Variants in PTPRA observed in about 807,000 individuals in gnomAD.
PTPRA encodes the protein protein tyrosine phosphatase receptor type A.
A neutral mutation model predicts 104.8 loss-of-function variants in PTPRA; 25 were observed. The observed-to-expected ratio is 0.24, with a 90% CI of 0.17 to 0.33. PTPRA has a LOEUF of 0.33. Among genes scored for constraint, PTPRA ranks in the 10% least tolerant of loss-of-function variants. The probability of loss-of-function intolerance (pLI) is 1.00; values close to 1 mark genes in which losing one functional copy is unlikely to be tolerated. For synonymous variants in PTPRA, 323 were observed against 368.9 expected (o/e 0.88, Z 1.43); for missense variants, 765 against 1,015.3 (o/e 0.75, Z 3.35).
At chr20:2,872,603 C>T (rs1383637071), upstream of PTPRA, among the ~76,000 whole-genome samples, 2 of 152,264 alleles carry the variant, frequency 1.3e-5, no homozygotes, top group Non-Finnish European at 2.9e-5. This position sits in a 1 kb window ranked among gnomAD's most constrained non-coding sequence, Gnocchi z 7.9. Flanking sequence ...ACTGCGTAAT[C>T]GGCTTTCAGC....
At chr20:3,005,216 A>G in intron 10 of PTPRA, 70 bp downstream of exon 10, 1 of 1,452,474 alleles carries the variant, frequency 6.9e-7, no homozygotes, top group Middle Eastern at 1.7e-4. Flanking sequence ...CTGAAGATGG[A>G]AAGAATCTTG....
At chr20:3,031,344 C>T (rs1028199791) in intron 20 of PTPRA, among the ~76,000 whole-genome samples, 5 of 151,758 alleles carry the variant, frequency 3.3e-5, no homozygotes, top group Admixed American at 2.6e-4. Flanking sequence ...GTAACGTGAA[C>T]ACACAAATCT....
intron 1 of PTPRA, among the ~76,000 whole-genome samples, chr20:2,918,545 G>C (rs6115720): frequency 6.6e-4 from 100 of 152,282 alleles, no homozygotes; most frequent in African/African-American, 2.3e-3. Context: ...TTGTGGACAA[G>C]GTTTTATTTC....
At chr20:2,894,354 G>A (rs895519377) in intron 1 of PTPRA, among the ~76,000 whole-genome samples, 7 of 152,170 alleles carry the variant, frequency 4.6e-5, no homozygotes, top group Non-Finnish European at 2.9e-5. Flanking sequence ...TGAGTCAGGG[G>A]TTCCAAACCC....
chr20:2,881,246 G>A (rs973110460), intron 1 of PTPRA, among the ~76,000 whole-genome samples: 19 of 151,742 alleles, frequency 1.3e-4, no homozygotes, highest in Non-Finnish European at 2.5e-4. Context: ...AGGAGGCGGA[G>A]TTTGCAGTGA....
rs1234395506 is a variant in PTPRA at position 2,964,262 on chromosome 20, T to C, written c.-6-10T>C. On this transcript the variant is annotated splice_polypyrimidine_tract_variant and intron_variant, in intron 3 of 23. Coordinates refer to ENST00000399903, the MANE Select transcript of PTPRA (RefSeq NM_001385305.1). ...TAGGACCTCATCTAACATGACTCCCTATTTTCCAGATAAGCATGGATTCCT... is the reference window on the plus strand; with the variant it reads ...TAGGACCTCATCTAACATGACTCCCCATTTTCCAGATAAGCATGGATTCCT... The C allele has an allele frequency of 6.2e-7, 1 of 1,603,032 alleles. No individual in the cohort carries two copies. Among genetic ancestry groups the C allele is most frequent in the Non-Finnish European group, 8.5e-7 (1 of 1,172,624 alleles).
chr20:3,007,108 A>G (rs990020177), intron 10 of PTPRA, among the ~76,000 whole-genome samples: 5 of 152,078 alleles, frequency 3.3e-5, no homozygotes, highest in Admixed American at 6.5e-5. Flanking sequence ...TTTCTCAACT[A>G]CTTAGTATTC....
chr20:3,013,535 C>G (rs970955808), intron 11 of PTPRA, among the ~76,000 whole-genome samples: 1 of 151,888 alleles, frequency 6.6e-6, no homozygotes, highest in Non-Finnish European at 1.5e-5. Context: ...GCCTCAGCCT[C>G]CCAAGTAGCT....
chr20:2,933,906 G>A (rs1422760590), intron 2 of PTPRA, among the ~76,000 whole-genome samples: 3 of 151,936 alleles, frequency 2.0e-5, no homozygotes, highest in Non-Finnish European at 4.4e-5. Context: ...ATTTAGGAAG[G>A]CTACCTCAGC....
At chr20:2,920,338 A>G (rs1025011242) in intron 1 of PTPRA, among the ~76,000 whole-genome samples, 4 of 152,050 alleles carry the variant, frequency 2.6e-5, no homozygotes, top group Non-Finnish European at 4.4e-5. Flanking sequence ...GAGGAGTGCA[A>G]TTTTTAGCCC....
intron 9 of PTPRA, among the ~76,000 whole-genome samples, chr20:2,993,838 G>A (rs1461236948): frequency 6.6e-6 from 1 of 152,166 alleles, no homozygotes. Flanking sequence ...AAATCAAGGT[G>A]GCACAGAGGG....
chr20:2,933,068 T>C (rs1049036451), intron 2 of PTPRA, among the ~76,000 whole-genome samples: 1 of 152,206 alleles, frequency 6.6e-6, no homozygotes, highest in African/African-American at 2.4e-5. Flanking sequence ...ATAGACTAAG[T>C]CCCAAATCAG....
chr20:2,876,803 G>A (rs1210644815), intron 1 of PTPRA, among the ~76,000 whole-genome samples: 3 of 152,176 alleles, frequency 2.0e-5, no homozygotes, highest in Non-Finnish European at 4.4e-5. Flanking sequence ...CTCCCCCAAA[G>A]TGTATAGCTG....
intron 9 of PTPRA, among the ~76,000 whole-genome samples, chr20:2,993,501 C>T (rs2063275037): frequency 1.3e-5 from 2 of 152,190 alleles, no homozygotes. Context: ...TGATTTATCA[C>T]TGAGGCTGCT....
Position 3,016,739 on chromosome 20 carries a change from C to T in PTPRA, c.943+854C>T, listed in dbSNP as rs550898920. Among the ~76,000 whole-genome samples the T allele has an allele frequency of 5.6e-4, 85 of 152,270 alleles. 1 individual carries two copies. In the South Asian group the frequency reaches 0.017, roughly 31 times the overall value. On this transcript the variant is annotated intron_variant, in intron 12 of 23. Coordinates refer to ENST00000399903, the MANE Select transcript of PTPRA (RefSeq NM_001385305.1). ...TGGGTGACAGAGTGAGACTTTGTCT[C>T]AAGAAAAAGAGTCATTAGGGACTAC...
intron 6 of PTPRA, among the ~76,000 whole-genome samples, chr20:2,982,271 C>T (rs11696687): frequency 0.036 from 5,394 of 151,738 alleles, 124 homozygotes; most frequent in Non-Finnish European, 0.056. Flanking sequence ...GTATTTTTAG[C>T]AGAGACGGGG....
Position 3,027,167 on chromosome 20 carries a change from T to C in PTPRA, c.1755T>C (p.Asn585=). The part of the protein sequence containing the change: ...VIIPVKRGEE[N]TDYVNASFID... ...TTCCAGTTAAGCGGGGCGAAGAGAA[T>C]ACAGACTATGTGAACGCATCCTTTA... The change falls in exon 19 of 24, where the codon AAT becomes AAC. Residue 585 remains asparagine (N), a synonymous_variant. Coordinates refer to ENST00000399903, the MANE Select transcript of PTPRA (RefSeq NM_001385305.1). 6.2e-7 allele frequency: 1 copy of C among 1,614,188 alleles called. No individual in the cohort carries two copies.
intron 1 of PTPRA, among the ~76,000 whole-genome samples, chr20:2,885,759 C>T (rs1440648934): frequency 6.6e-6 from 1 of 152,142 alleles, no homozygotes. Context: ...AGTACACGAA[C>T]TGCTACAGAT....
rs2063801978 is a variant in PTPRA at position 3,005,041 on chromosome 20, C to A, written c.739-15C>A. The stretch of plus-strand genomic sequence containing the variant: ...TCCCTGCTAATAATTCCTCTAATTT[C>A]TCTTAACCTTTCAGGCTCTCCCTGC... On this transcript the variant is annotated splice_polypyrimidine_tract_variant and intron_variant, in intron 9 of 23. Transcript: ENST00000399903. 1 of 1,574,536 alleles carries A rather than the reference C, an allele frequency of 6.4e-7. No individual in the cohort carries two copies. The highest frequency in any genetic ancestry group is 1.4e-5 in the African/African-American group (1 of 73,938).
Sources: allele counts gnomAD v4.1 joint callset (sites outside exome capture counted in the v4.1 genomes callset), GRCh38; gene constraint gnomAD v4.1.1; non-coding constraint Gnocchi (gnomAD v3.1); transcripts MANE v1.5; gene names NCBI Gene and HGNC (gene_info 2026-07-23, HGNC 2026-07-21).